Variants in DPF3 observed in about 807,000 individuals in gnomAD.
The protein encoded by DPF3 is zinc finger protein DPF3.
DPF3 carries 18 observed loss-of-function variants against 56.8 expected under a neutral mutation model. The observed-to-expected ratio is 0.32, with a 90% CI of 0.22 to 0.47. The LOEUF is 0.47. Among genes scored for constraint, DPF3 ranks in the 20% least tolerant of loss-of-function variants. The pLI, the probability that DPF3 is intolerant of heterozygous loss-of-function variation, is 1.00. For synonymous variants in DPF3, 188 were observed against 180.2 expected (o/e 1.04, Z -0.35); for missense variants, 403 against 488.8 (o/e 0.82, Z 1.65).
At chr14:72,697,861 T>G (rs934031585) in intron 6 of DPF3, among the ~76,000 whole-genome samples, 26 of 152,132 alleles carry the variant, frequency 1.7e-4, no homozygotes, top group Non-Finnish European at 3.8e-4. Context: ...AAGACTAACA[T>G]GGCCTTCCTG....
intron 6 of DPF3, among the ~76,000 whole-genome samples, chr14:72,711,022 G>A (rs1888631007): frequency 6.6e-6 from 1 of 152,136 alleles, no homozygotes; most frequent in African/African-American, 2.4e-5. Context: ...TAATATTCAA[G>A]CCACCCATTT....
At chr14:72,791,269 C>G (rs1201496405) in intron 1 of DPF3, among the ~76,000 whole-genome samples, 1 of 152,258 alleles carries the variant, frequency 6.6e-6, no homozygotes, top group Non-Finnish European at 1.5e-5. Flanking sequence ...CCCTGCCTCT[C>G]GGACATATGA....
chr14:72,670,342 A>C (rs546064357), intron 8 of DPF3: 2 of 986,400 alleles, frequency 2.0e-6, no homozygotes, highest in East Asian at 2.3e-4. Flanking sequence ...CAGCAATAAC[A>C]AAACAGCAGC....
At chr14:72,629,852 G>A (rs1157142937) in intron 8 of DPF3, 116 bp from the exon 9 acceptor site, 10 of 855,534 alleles carry the variant, frequency 1.2e-5, no homozygotes, top group African/African-American at 1.7e-5. Context: ...GTAGCATGAC[G>A]TAGGGAAAAA....
intron 1 of DPF3, among the ~76,000 whole-genome samples, chr14:72,872,783 C>T (rs1885954094): frequency 6.6e-6 from 1 of 152,190 alleles, no homozygotes; most frequent in Admixed American, 6.5e-5. Flanking sequence ...CTACAACTAT[C>T]TGATCTTTGA....
rs1555516753 is a variant in DPF3 at position 72,884,953 on chromosome 14, T to TATATATATATATATATAC, written c.32+9103_32+9104insGTATATATATATATATAT. 2.3e-4 allele frequency among the ~76,000 whole-genome samples: 17 copies of TATATATATATATATATAC among 73,778 alleles called. 3 individuals carry two copies. In the East Asian group the frequency reaches 2.9e-3, roughly 12 times the overall value. The allele number at this position is 73,778 out of a possible 152,430, so 48.4% of individuals were successfully genotyped here. A position where few individuals can be genotyped will look rare whatever the true frequency, so the allele number is the denominator to read the frequency against. On this transcript the variant is annotated intron_variant, in intron 1 of 10. Transcript: ENST00000556509. Reference sequence around the variant, plus strand: ...CTACTAAAAATACTATATATATATATATATATATATATATATATTAGCCGG... The same window carrying TATATATATATATATATAC: ...CTACTAAAAATACTATATATATATATATATATATATATATATACATATATATATATATATATTAGCCGG...
At chr14:72,794,553 C>T (rs1320338771) in intron 1 of DPF3, among the ~76,000 whole-genome samples, 2 of 152,282 alleles carry the variant, frequency 1.3e-5, no homozygotes, top group East Asian at 3.9e-4. Flanking sequence ...AAACCTATCT[C>T]ACAGCACACA....
chr14:72,717,918 A>G (rs191438693), intron 5 of DPF3, among the ~76,000 whole-genome samples: 42 of 152,274 alleles, frequency 2.8e-4, no homozygotes, highest in Admixed American at 1.4e-3. Flanking sequence ...GGCAGCCATG[A>G]GTGTACCACA....
intron 3 of DPF3, among the ~76,000 whole-genome samples, chr14:72,751,414 T>G (rs1890568395): frequency 6.6e-6 from 1 of 152,272 alleles, no homozygotes; most frequent in Non-Finnish European, 1.5e-5. Context: ...CAGGGGATCG[T>G]GATAAAATGC....
chr14:72,884,953 T>TATATATATACATATATAC (rs1555516749), intron 1 of DPF3, among the ~76,000 whole-genome samples: 1 of 73,780 alleles, frequency 1.4e-5, no homozygotes, highest in Admixed American at 1.8e-4. Flanking sequence ...TATATATATA[T>TATATATATACATATATAC]ATATATATAT....
intron 1 of DPF3, among the ~76,000 whole-genome samples, chr14:72,824,641 C>T (rs1209696946): frequency 6.6e-6 from 1 of 150,792 alleles, no homozygotes; most frequent in East Asian, 1.9e-4. Flanking sequence ...CATCTTGGCT[C>T]ACTGCAACCT....
chr14:72,851,213 T>A (rs937242824), intron 1 of DPF3, among the ~76,000 whole-genome samples: 1 of 152,200 alleles, frequency 6.6e-6, no homozygotes. Flanking sequence ...AACTATGTCC[T>A]CAATCCCTCA....
chr14:72,761,882 A>C (rs536097850), intron 2 of DPF3, among the ~76,000 whole-genome samples: 109 of 152,002 alleles, frequency 7.2e-4, no homozygotes, highest in Non-Finnish European at 1.4e-3. Context: ...ATGCCACCAC[A>C]GATTCTACAT....
rs1883748224 is a variant in DPF3 at position 72,611,879 on chromosome 14, C to CCTA, written c.*7415_*7417dup. Among the ~76,000 whole-genome samples the CCTA allele has an allele frequency of 6.6e-6, 1 of 152,084 alleles. No individual in the cohort carries two copies. The highest frequency in any genetic ancestry group is 2.1e-4 in the South Asian group (1 of 4,822). On this transcript the variant is annotated 3_prime_UTR_variant, in exon 11 of 11. Coordinates refer to ENST00000556509, the MANE Select transcript of DPF3 (RefSeq NM_001280542.3). ...GGAACACGCATCCTCAACAGAGAAA[C>CCTA]CTACATATACTTACACCTTCCGTGA...
chr14:72,885,434 A>G (rs1038275202), intron 1 of DPF3, among the ~76,000 whole-genome samples: 7 of 151,886 alleles, frequency 4.6e-5, no homozygotes, highest in Admixed American at 6.6e-5. Context: ...TTGCTCTGTC[A>G]CCCAGGCTGG....
At chr14:72,654,094 G>A (rs1019731466) in intron 8 of DPF3, among the ~76,000 whole-genome samples, 1 of 152,110 alleles carries the variant, frequency 6.6e-6, no homozygotes, top group South Asian at 2.1e-4. Flanking sequence ...CTGCTCAAGA[G>A]CTCGTGGCCA....
chr14:72,882,165 G>C (rs1441936250), intron 1 of DPF3, among the ~76,000 whole-genome samples: 1 of 152,152 alleles, frequency 6.6e-6, no homozygotes, highest in Non-Finnish European at 1.5e-5. Context: ...TGCAGAGTCA[G>C]GGAAAGTAAT....
intron 2 of DPF3, among the ~76,000 whole-genome samples, chr14:72,765,099 A>G (rs1891219699): frequency 6.6e-6 from 1 of 152,236 alleles, no homozygotes; most frequent in Non-Finnish European, 1.5e-5. Flanking sequence ...TATAGAGAAT[A>G]AAACAGTTTA....
At chr14:72,765,532 A>C (rs1311296793) in intron 2 of DPF3, among the ~76,000 whole-genome samples, 1 of 152,264 alleles carries the variant, frequency 6.6e-6, no homozygotes, top group East Asian at 1.9e-4. Context: ...GTGAATGGAT[A>C]AATTAACTGT....
Sources: gnomAD v4.1 joint callset for allele counts (sites outside exome capture counted in the v4.1 genomes callset) on GRCh38, gnomAD v4.1.1 for gene constraint, MANE v1.5 for transcripts, NCBI Gene and HGNC (gene_info 2026-07-23, HGNC 2026-07-21) for gene names.